The following FGFR1 variants were observed in gnomAD, a reference collection of about 807,000 sequenced individuals.
FGFR1 encodes the protein FGFR1/PLAG1 fusion.
Under a neutral mutation model 93.7 loss-of-function variants are expected in FGFR1, and 18 were observed. The observed-to-expected ratio is 0.19, with a 90% confidence interval of 0.13 to 0.28. The LOEUF is 0.28. Ranked by LOEUF, FGFR1 falls within the 10% of genes least tolerant of loss-of-function variation. The pLI is 1.00. For synonymous variants in FGFR1, 448 were observed against 429.3 expected (o/e 1.04, Z -0.54); for missense variants, 731 against 1,080.4 (o/e 0.68, Z 4.53).
chr8:38,427,558 G>A (rs1034215421), intron 5 of FGFR1, among the ~76,000 whole-genome samples: 8 of 152,314 alleles, frequency 5.3e-5, no homozygotes, highest in South Asian at 2.1e-4. Context: ...AGGATTTTAG[G>A]CGTGAGCCAC....
intron 2 of FGFR1, among the ~76,000 whole-genome samples, chr8:38,432,358 G>A (rs931757863): frequency 3.3e-5 from 5 of 151,738 alleles, no homozygotes; most frequent in Admixed American, 6.6e-5. Flanking sequence ...CCTTCCAAAC[G>A]TGGCTCAGGT....
chr8:38,416,973 C>G (rs1182079460), intron 12 of FGFR1, among the ~76,000 whole-genome samples: 1 of 152,132 alleles, frequency 6.6e-6, no homozygotes, highest in Non-Finnish European at 1.5e-5. Flanking sequence ...AGACTGGTCT[C>G]GAACTCCTGA....
chr8:38,411,260 G>C lies in FGFR1; in HGVS notation c.*2368C>G, dbSNP rs1197309617. On this transcript the variant is annotated 3_prime_UTR_variant, in exon 18 of 18. Transcript: ENST00000447712. ...TATGATAGTGCCTTATATTTTTCTAGCACCTCTCCCAAGGACTTATGAAGA... is the reference window on the plus strand; with the variant it reads ...TATGATAGTGCCTTATATTTTTCTACCACCTCTCCCAAGGACTTATGAAGA... The C allele has an allele frequency of 1.4e-5, 3 of 209,016 alleles. No individual in the cohort carries two copies. Among genetic ancestry groups the C allele is most frequent in the Non-Finnish European group, 2.9e-5 (3 of 102,828 alleles). 12.9% of individuals were successfully genotyped at this position (209,016 alleles called of 1,614,324 possible). A position where few individuals can be genotyped will look rare whatever the true frequency, so the allele number is the denominator to read the frequency against.
intron 2 of FGFR1, among the ~76,000 whole-genome samples, chr8:38,445,608 G>C (rs143001553): frequency 6.6e-6 from 1 of 151,988 alleles, no homozygotes; most frequent in Non-Finnish European, 1.5e-5. Context: ...GTGCAATCTT[G>C]GCTCACTGCA....
chr8:38,432,482 G>A (rs568591226), intron 2 of FGFR1, among the ~76,000 whole-genome samples: 9 of 148,854 alleles, frequency 6.0e-5, no homozygotes, highest in South Asian at 2.1e-4. Flanking sequence ...CTGCGATCTC[G>A]GCTCACTGCA....
At position 38,427,958 on chromosome 8, in the gene FGFR1, T is replaced by C. The variant is rs770139002; in HGVS notation, c.584A>G (p.Lys195Arg). Reference protein sequence around the residue: ...NPTLRWLKNGKEFKPDHRIGG... With the variant: ...NPTLRWLKNGREFKPDHRIGG... ...AATTCTGTGGTCAGGTTTGAATTCT[T>C]TGCCATTTTTCAACCAGCGCAGTGT... Residue 195 changes from lysine to arginine, a missense_variant, in exon 5 of 18, where the codon AAA becomes AGA. Physicochemically the swap from Lys to Arg is conservative, Grantham distance 26. Coordinates refer to ENST00000447712, the MANE Select transcript of FGFR1 (RefSeq NM_023110.3). 21 of 1,614,140 alleles carry C rather than the reference T, an allele frequency of 1.3e-5. No homozygotes were observed. Among genetic ancestry groups the C allele is most frequent in the Middle Eastern group, 1.6e-4 (1 of 6,084 alleles).
chr8:38,462,200 CAAGTT>C (rs1326753355), intron 1 of FGFR1, among the ~76,000 whole-genome samples: 1 of 152,044 alleles, frequency 6.6e-6, no homozygotes, highest in African/African-American at 2.4e-5. Flanking sequence ...TCTAAACAAA[CAAGTT>C]AATTAAAAAA....
At chr8:38,415,505 T>C (rs1472177929) in intron 13 of FGFR1, among the ~76,000 whole-genome samples, 2 of 151,710 alleles carry the variant, frequency 1.3e-5, no homozygotes, top group South Asian at 4.2e-4. Flanking sequence ...TTTCAATATA[T>C]TGCCCAACCT....
intron 2 of FGFR1, chr8:38,430,514 C>G (rs565487353): frequency 6.5e-6 from 1 of 154,246 alleles, no homozygotes; most frequent in African/African-American, 2.4e-5. Flanking sequence ...GGGTGGGGGT[C>G]TGGCCCTCGA....
chr8:38,416,614 C>A (rs1816752348), intron 12 of FGFR1, among the ~76,000 whole-genome samples: 1 of 152,056 alleles, frequency 6.6e-6, no homozygotes, highest in African/African-American at 2.4e-5. Context: ...CGCCACCACG[C>A]CCGGCTACTT....
chr8:38,450,938 C>T (rs1035264291), intron 2 of FGFR1, among the ~76,000 whole-genome samples: 7 of 152,070 alleles, frequency 4.6e-5, no homozygotes, highest in African/African-American at 7.2e-5. Context: ...TCTCACAGGC[C>T]GAGGGCTGGG....
chr8:38,424,864 C>A lies in FGFR1; in HGVS notation c.746-165G>T, dbSNP rs767601405. 6.6e-6 allele frequency among the ~76,000 whole-genome samples: 1 copy of A among 152,176 alleles called. No homozygotes were observed. The highest frequency in any genetic ancestry group is 2.4e-5 in the African/African-American group (1 of 41,450). ...AAAACAGAGCTGGGGAAAGGGACAC[C>A]CTCTCTTCAGGCCCTAAGCCATCAG... On this transcript the variant is annotated intron_variant, in intron 6 of 17. Transcript: ENST00000447712. The surrounding 1 kb of genome is among the most constrained non-coding windows in gnomAD (Gnocchi z 4.3).
At chr8:38,448,606 C>A (rs1830122664) in intron 2 of FGFR1, among the ~76,000 whole-genome samples, 1 of 152,070 alleles carries the variant, frequency 6.6e-6, no homozygotes, top group Non-Finnish European at 1.5e-5. Context: ...AGTAAACAGA[C>A]ATCTATTAAA....
chr8:38,447,104 C>T lies in FGFR1; in HGVS notation c.91+10252G>A, dbSNP rs78403306. Among the ~76,000 whole-genome samples the T allele has an allele frequency of 4.5e-3, 134 of 29,724 alleles. 1 individual carries two copies. Among genetic ancestry groups the T allele is most frequent in the Non-Finnish European group, 3.7e-3 (55 of 14,812 alleles). The allele number at this position is 29,724 out of a possible 152,430, so 19.5% of individuals were successfully genotyped here. On this transcript the variant is annotated intron_variant, in intron 2 of 17. Transcript: ENST00000447712. ...GGAGATATTACTGCAAGCAAACACA[C>T]ACACACACACACACACACACACACA...
At chr8:38,433,582 G>T (rs117287723) in intron 2 of FGFR1, among the ~76,000 whole-genome samples, 3,694 of 152,208 alleles carry the variant, frequency 0.024, 54 homozygotes, top group Non-Finnish European at 0.035. Context: ...TCTTCAGTTA[G>T]CAAGTGCTGG....
Position 38,413,584 on chromosome 8 carries a change from G to GT in FGFR1, c.*43dup. ...GGCCCAGCAGGGGCTGTGGGTGAGG[G>GT]TTACAGCTGACGGTGGAGTCTGGGG... On this transcript the variant is annotated 3_prime_UTR_variant, in exon 18 of 18. Coordinates refer to ENST00000447712, the MANE Select transcript of FGFR1 (RefSeq NM_023110.3). This position sits in a 1 kb window ranked among gnomAD's most constrained non-coding sequence, Gnocchi z 4.2. The GT allele has an allele frequency of 2.5e-6, 4 of 1,570,884 alleles. No individual in the cohort carries two copies. The highest frequency in any genetic ancestry group is 3.5e-6 in the Non-Finnish European group (4 of 1,158,162).
chr8:38,412,552 C>T lies in FGFR1; in HGVS notation c.*1076G>A, dbSNP rs575612481. The stretch of plus-strand genomic sequence containing the variant: ...TCTTCTTTTTCTGACTTTCCAAAAG[C>T]AGCGGAGAGGCAGGAGGTGCGTCGT... On this transcript the variant is annotated 3_prime_UTR_variant, in exon 18 of 18. Coordinates refer to ENST00000447712, the MANE Select transcript of FGFR1 (RefSeq NM_023110.3). 2.1e-5 allele frequency: 5 copies of T among 233,264 alleles called. No individual in the cohort carries two copies. The highest frequency in any genetic ancestry group is 4.2e-5 in the Non-Finnish European group (5 of 118,016). 14.4% of individuals were successfully genotyped at this position (233,264 alleles called of 1,614,324 possible).
At chr8:38,422,201 C>T in intron 7 of FGFR1, 1 of 519,052 alleles carries the variant, frequency 1.9e-6, no homozygotes, top group Non-Finnish European at 3.5e-6. Flanking sequence ...CTGGCAGCCA[C>T]TGGCCCATCC....
intron 14 of FGFR1, 28 bp downstream of exon 14, chr8:38,414,751 A>T: frequency 6.2e-7 from 1 of 1,614,036 alleles, no homozygotes; most frequent in Non-Finnish European, 8.5e-7. Context: ...TGAAACCACC[A>T]GCACAGGGCG....
Sources: allele counts gnomAD v4.1 joint callset (sites outside exome capture counted in the v4.1 genomes callset), GRCh38; gene constraint gnomAD v4.1.1; non-coding constraint Gnocchi (gnomAD v3.1); transcripts MANE v1.5; gene names NCBI Gene and HGNC (gene_info 2026-07-23, HGNC 2026-07-21).